The following NBAS variants were observed in gnomAD, a reference collection of about 807,000 sequenced individuals.
NBAS encodes NAG/BC035112 fusion.
A neutral mutation model predicts 302.5 loss-of-function variants in NBAS; 219 were observed. That is an observed-to-expected ratio of 0.72 (90% CI 0.65 to 0.81). The LOEUF is 0.81. Among genes scored for constraint, NBAS ranks in the 30% least tolerant of loss-of-function variants. NBAS has a pLI of 0.00. For missense variants in NBAS, 2,932 were observed against 2,841.6 expected (o/e 1.03, Z -0.72); for synonymous variants, 1,118 against 1,021.6 (o/e 1.09, Z -1.80).
intron 35 of NBAS, among the ~76,000 whole-genome samples, chr2:15,351,764 G>C (rs921109071): frequency 2.0e-5 from 3 of 151,854 alleles, no homozygotes; most frequent in Non-Finnish European, 2.9e-5. Flanking sequence ...CATGGGTGTT[G>C]TCTTTATGAT....
intron 49 of NBAS, 22 bp downstream of exon 49, chr2:15,190,242 C>T (rs1460385601): frequency 2.5e-6 from 4 of 1,613,188 alleles, no homozygotes; most frequent in Non-Finnish European, 1.7e-6. Flanking sequence ...TCTAATTACG[C>T]TAATTTTATG....
intron 41 of NBAS, 73 bp downstream of exon 41, chr2:15,292,464 A>C: frequency 6.8e-7 from 1 of 1,466,840 alleles, no homozygotes; most frequent in Non-Finnish European, 9.5e-7. Context: ...ACTGAAATTA[A>C]TAGTCCTGGT....
At chr2:15,315,456 A>T (rs1671465104) in intron 38 of NBAS, among the ~76,000 whole-genome samples, 1 of 152,080 alleles carries the variant, frequency 6.6e-6, no homozygotes, top group African/African-American at 2.4e-5. Context: ...AAGAAAAATG[A>T]AAGAAATCCT....
chr2:15,372,486 C>T (rs1674534038), intron 31 of NBAS, among the ~76,000 whole-genome samples: 1 of 152,276 alleles, frequency 6.6e-6, no homozygotes, highest in East Asian at 1.9e-4. Flanking sequence ...AATAAAAATA[C>T]CTAAACCATA....
intron 11 of NBAS, among the ~76,000 whole-genome samples, chr2:15,499,528 C>T (rs1409852029): frequency 2.0e-5 from 3 of 152,124 alleles, no homozygotes; most frequent in South Asian, 2.1e-4. Context: ...AACCAAATAC[C>T]ACATGTTCTT....
chr2:14,800,022 A>G, the NBAS span, among the ~76,000 whole-genome samples: 1 of 152,192 alleles, frequency 6.6e-6, no homozygotes, highest in East Asian at 1.9e-4. Flanking sequence ...TCTACCTTTT[A>G]AATGGAATGC....
At chr2:15,362,205 C>T (rs547008598) in intron 32 of NBAS, among the ~76,000 whole-genome samples, 3 of 151,314 alleles carry the variant, frequency 2.0e-5, no homozygotes, top group South Asian at 4.2e-4. Flanking sequence ...GGGCCAGGCA[C>T]GGTGGCTCAC....
intron 25 of NBAS, among the ~76,000 whole-genome samples, chr2:15,412,578 T>C (rs1220883239): frequency 3.3e-5 from 5 of 152,216 alleles, no homozygotes; most frequent in Admixed American, 2.0e-4. Context: ...TTGTGCATGA[T>C]TCATGGAAGC....
At chr2:15,468,645 A>G in intron 16 of NBAS, 112 bp from the exon 17 acceptor site, 2 of 1,290,194 alleles carry the variant, frequency 1.6e-6, no homozygotes, top group Non-Finnish European at 2.2e-6. Context: ...GCTATTTAGG[A>G]CCTTGGCCAT....
At chr2:15,316,450 G>A (rs1572643036) in intron 38 of NBAS, among the ~76,000 whole-genome samples, 1 of 152,206 alleles carries the variant, frequency 6.6e-6, no homozygotes, top group African/African-American at 2.4e-5. Flanking sequence ...AAGGGGTTGG[G>A]GGATTTCCCT....
intron 27 of NBAS, 35 bp downstream of exon 27, chr2:15,396,378 G>C (rs1175281606): frequency 1.3e-6 from 2 of 1,527,102 alleles, no homozygotes; most frequent in Non-Finnish European, 1.8e-6. Flanking sequence ...CCCTTAATAA[G>C]CATGGAGAAA....
chr2:14,797,794 G>C, the NBAS span, among the ~76,000 whole-genome samples: 61,063 of 151,942 alleles, frequency 0.4, 12,726 homozygotes, highest in African/African-American at 0.5. Flanking sequence ...AGCCAGCCTG[G>C]AGCCGAGCGA....
chr2:15,455,448 A>T (rs1218573564), intron 21 of NBAS, among the ~76,000 whole-genome samples: 1 of 152,208 alleles, frequency 6.6e-6, no homozygotes, highest in Non-Finnish European at 1.5e-5. Context: ...GGTGAATAGT[A>T]TATAAGAATT....
the NBAS span, among the ~76,000 whole-genome samples, chr2:14,869,814 A>G: frequency 6.6e-6 from 1 of 152,178 alleles, no homozygotes; most frequent in African/African-American, 2.4e-5. Flanking sequence ...CTAAATGTCC[A>G]CTGTATTCTC....
At chr2:15,021,838 AAG>A in the NBAS span, among the ~76,000 whole-genome samples, 1 of 152,208 alleles carries the variant, frequency 6.6e-6, no homozygotes, top group Non-Finnish European at 1.5e-5. Context: ...GTCATGCAGA[AAG>A]AGAAAACATT....
At chr2:15,095,485 A>T in the NBAS span, among the ~76,000 whole-genome samples, 1 of 152,224 alleles carries the variant, frequency 6.6e-6, no homozygotes. Flanking sequence ...AATCACTCCC[A>T]TGATTCAATT....
the NBAS span, among the ~76,000 whole-genome samples, chr2:15,152,714 G>GT: frequency 1.3e-5 from 2 of 152,230 alleles, no homozygotes; most frequent in Admixed American, 1.3e-4. Flanking sequence ...TTTGTTTATA[G>GT]TTTTTCTTTT....
chr2:15,536,544 C>T lies in NBAS; in HGVS notation c.521G>A (p.Ser174Asn), dbSNP rs1014502745. The change falls in exon 8 of 52, where the codon AGT becomes AAT. Residue 174 changes from serine (S) to asparagine (N), a missense_variant. Ser to Asn is a conservative substitution (Grantham distance 46). Transcript: ENST00000281513. ...SELFVISPAS[S>N]FIGDLSYAIA... Reference sequence around the variant, plus strand: ...GGCATAGCTTAAGTCACCTATAAAACTAGATGCCTACAGAAGAGGGGGAAA... The same window carrying T: ...GGCATAGCTTAAGTCACCTATAAAATTAGATGCCTACAGAAGAGGGGGAAA... 5 of 1,607,380 alleles carry T rather than the reference C, an allele frequency of 3.1e-6. No individual in the cohort carries two copies. Among genetic ancestry groups the T allele is most frequent in the Admixed American group, 1.7e-5 (1 of 59,782 alleles).
At chr2:15,208,815 G>T (rs1199500649) in intron 48 of NBAS, among the ~76,000 whole-genome samples, 2 of 151,970 alleles carry the variant, frequency 1.3e-5, no homozygotes, top group African/African-American at 2.4e-5. Flanking sequence ...TAAGAAAGAA[G>T]TTTATAGCTA....
Sources: allele counts gnomAD v4.1 joint callset (sites outside exome capture counted in the v4.1 genomes callset), GRCh38; gene constraint gnomAD v4.1.1; transcripts MANE v1.5; gene names NCBI Gene and HGNC (gene_info 2026-07-23, HGNC 2026-07-21).